Variants in LONP1 observed in about 807,000 individuals in gnomAD.
LONP1 encodes the protein lon protease homolog, mitochondrial.
Under a neutral mutation model 98.5 loss-of-function variants are expected in LONP1, and 31 were observed. The observed-to-expected ratio is 0.31, with a 90% CI of 0.24 to 0.42. The LOEUF (loss-of-function observed/expected upper bound fraction) is 0.42, where lower values mean the gene tolerates loss of function less well. Among genes scored for constraint, LONP1 ranks in the 20% least tolerant of loss-of-function variants. The probability of loss-of-function intolerance (pLI) is 1.00; values close to 1 mark genes in which losing one functional copy is unlikely to be tolerated. For missense variants in LONP1, 1,336 were observed against 1,350.6 expected (o/e 0.99, Z 0.17); for synonymous variants, 781 against 594.7 (o/e 1.31, Z -4.56).
intron 17 of LONP1, 73 bp downstream of exon 17, chr19:5,693,225 T>TGGCGGG: frequency 1.3e-6 from 2 of 1,522,400 alleles, no homozygotes; most frequent in Non-Finnish European, 1.8e-6. Context: ...AGAGGTTGCA[T>TGGCGGG]GGCGGGGACT....
chr19:5,695,824 G>A (rs2054915924), intron 13 of LONP1, among the ~76,000 whole-genome samples: 1 of 152,216 alleles, frequency 6.6e-6, no homozygotes. Context: ...GCCTGACGGT[G>A]GTGGGCGGTG....
intron 8 of LONP1, among the ~76,000 whole-genome samples, chr19:5,703,546 A>T (rs915201335): frequency 3.3e-5 from 5 of 151,822 alleles, no homozygotes; most frequent in African/African-American, 9.7e-5. Flanking sequence ...GGGGAAGAGG[A>T]TGAAGAGGAG....
intron 13 of LONP1, among the ~76,000 whole-genome samples, chr19:5,695,479 G>C (rs1023333423): frequency 2.0e-5 from 3 of 152,186 alleles, no homozygotes; most frequent in Non-Finnish European, 4.4e-5. Flanking sequence ...CCTTGGAGAA[G>C]TCAGGCTGGG....
intron 6 of LONP1, among the ~76,000 whole-genome samples, chr19:5,707,344 C>T (rs2055162913): frequency 6.6e-6 from 1 of 152,214 alleles, no homozygotes; most frequent in South Asian, 2.1e-4. Context: ...CACAGGCCCT[C>T]CAGCTGCGTG....
At chr19:5,699,386 A>G (rs1421025850) in intron 9 of LONP1, among the ~76,000 whole-genome samples, 181 bp from the exon 10 acceptor site, 1 of 152,156 alleles carries the variant, frequency 6.6e-6, no homozygotes, top group Non-Finnish European at 1.5e-5. Context: ...AGCCTGTGAC[A>G]AGGGCTCCAT....
intron 4 of LONP1, among the ~76,000 whole-genome samples, chr19:5,709,335 CA>C (rs780806310): frequency 0.039 from 5,172 of 131,646 alleles, 106 homozygotes; most frequent in African/African-American, 0.061. Context: ...CTAAAAATAC[CA>C]AAAAAAAAAA....
chr19:5,707,372 GA>G (rs1343839163), intron 6 of LONP1, among the ~76,000 whole-genome samples: 2 of 152,188 alleles, frequency 1.3e-5, no homozygotes, highest in Non-Finnish European at 2.9e-5. Context: ...ACGCGCTCAG[GA>G]GTGCTGCTCA....
chr19:5,719,275 C>A (rs1432425401), intron 1 of LONP1, among the ~76,000 whole-genome samples: 1 of 152,182 alleles, frequency 6.6e-6, no homozygotes, highest in Non-Finnish European at 1.5e-5. Context: ...AATAAGCAAT[C>A]AAGAAGTATT....
chr19:5,716,437 T>C (rs900559953), intron 1 of LONP1, among the ~76,000 whole-genome samples: 1 of 150,962 alleles, frequency 6.6e-6, no homozygotes, highest in Non-Finnish European at 1.5e-5. Context: ...CAAAAGAGCA[T>C]CACATGATGC....
At chr19:5,715,477 ACT>A (rs1438652005) in intron 1 of LONP1, among the ~76,000 whole-genome samples, 31 of 150,930 alleles carry the variant, frequency 2.1e-4, no homozygotes, top group African/African-American at 7.3e-4. Flanking sequence ...CCCCGTCTCT[ACT>A]AAAAATACAA....
rs756015513 is a variant in LONP1 at position 5,693,733 on chromosome 19, C to T, written c.2357G>A (p.Arg786Gln). Residue 786 changes from arginine to glutamine, a missense_variant, in exon 16 of 18, where the codon CGG becomes CAG. Around this residue, in one of 5 missense-constraint regions of LONP1, gnomAD observed 555 missense variants for 542.6 expected, o/e 1.02. Coordinates refer to ENST00000360614, the MANE Select transcript of LONP1 (RefSeq NM_004793.4). ...ACCCTTGGCATCCTTGTCCTGTGGC[C>T]GTCTCAGGGATGTCTCCACAAACAG... is the stretch of plus-strand genomic sequence containing the variant. ...STLFVETSLR[R>Q]PQDKDAKGDK... 6.2e-6 allele frequency: 10 copies of T among 1,613,874 alleles called. No homozygotes were observed. Among genetic ancestry groups the T allele is most frequent in the South Asian group, 2.2e-5 (2 of 91,080 alleles).
chr19:5,693,488 G>A (rs1568309836), intron 16 of LONP1, 26 bp from the exon 17 acceptor site: 1 of 1,611,638 alleles, frequency 6.2e-7, no homozygotes, highest in Non-Finnish European at 8.5e-7. Flanking sequence ...GGGATAGTGG[G>A]TGAGCAGGTG....
chr19:5,702,760 G>A (rs1243048788), intron 8 of LONP1, among the ~76,000 whole-genome samples: 1 of 151,618 alleles, frequency 6.6e-6, no homozygotes, highest in Non-Finnish European at 1.5e-5. Context: ...TGTCCACTCA[G>A]GGTTAAATGG....
chr19:5,712,997 T>A lies in LONP1; in HGVS notation c.638+137A>T, dbSNP rs893694297. 2.3e-5 allele frequency: 27 copies of A among 1,179,344 alleles called. No homozygotes were observed. The Middle Eastern group carries it at 1.1e-3, about 46-fold the overall frequency. The allele number at this position is 1,179,344 out of a possible 1,614,324, so 73.1% of individuals were successfully genotyped here. A position where few individuals can be genotyped will look rare whatever the true frequency, so the allele number is the denominator to read the frequency against. On this transcript the variant is annotated intron_variant, in intron 3 of 17. Transcript: ENST00000360614. ...GACATGTCTCACTCTCACCCCCAGC[T>A]CTGGCCTCAGTGCTAGTGAGAAAGC...
chr19:5,715,643 TAAAAAAAAAAAAAAAAA>T (rs527565499), intron 1 of LONP1, among the ~76,000 whole-genome samples: 7,006 of 31,068 alleles, frequency 0.23, 317 homozygotes, highest in Middle Eastern at 0.37. Context: ...CTCTGTCTCA[TAAAAAAAAAAAAAAAAA>T]AAAAAAAAAA....
chr19:5,704,471 C>G (rs1002076646), intron 8 of LONP1, among the ~76,000 whole-genome samples: 4 of 152,188 alleles, frequency 2.6e-5, no homozygotes, highest in African/African-American at 9.6e-5. Flanking sequence ...AAATCTGAGG[C>G]GGGGTCCTGG....
Position 5,720,090 on chromosome 19 carries a change from G to A in LONP1, c.43C>T (p.Arg15Trp). 2.8e-6 allele frequency: 4 copies of A among 1,450,166 alleles called. No homozygotes were observed. Among genetic ancestry groups the A allele is most frequent in the Non-Finnish European group, 3.6e-6 (4 of 1,107,256 alleles). The allele number at this position is 1,450,166 out of a possible 1,614,324, so 89.8% of individuals were successfully genotyped here. Residue 15 changes from arginine (R) to tryptophan (W), a missense_variant, in exon 1 of 18, where the codon CGG becomes TGG. By Grantham distance (101) the Arg-to-Trp change is moderately radical. Transcript: ENST00000360614. Reference protein sequence around the residue: ...TGYVRLWGAARCWVLRRPMLA... With the variant: ...TGYVRLWGAAWCWVLRRPMLA... ...ATCGGCCGCCGCAGCACCCAGCACCGCGCCGCTCCCCACAGTCGCACGTAG... is the reference window on the plus strand; with the variant it reads ...ATCGGCCGCCGCAGCACCCAGCACCACGCCGCTCCCCACAGTCGCACGTAG...
chr19:5,713,344 A>C (rs2055267379), intron 2 of LONP1, 91 bp from the exon 3 acceptor site: 476 of 1,316,486 alleles, frequency 3.6e-4, no homozygotes, highest in East Asian at 8.3e-4. Context: ...AGAGAAAAGA[A>C]ACGCCCCTAC....
At chr19:5,708,631 T>C (rs1210954820) in intron 4 of LONP1, 1 of 537,070 alleles carries the variant, frequency 1.9e-6, no homozygotes, top group Admixed American at 3.2e-5. Context: ...AACCAAACCC[T>C]GTCTCCTTAC....
Sources: gnomAD v4.1 joint callset for allele counts (sites outside exome capture counted in the v4.1 genomes callset) on GRCh38, gnomAD v4.1.1 for gene constraint, gnomAD v4.1.1 regional missense constraint, MANE v1.5 for transcripts, NCBI Gene and HGNC (gene_info 2026-07-23, HGNC 2026-07-21) for gene names.